Variants in NUP160 observed in about 807,000 individuals in gnomAD.
The protein encoded by NUP160 is nucleoporin 160.
NUP160 carries 94 observed loss-of-function variants against 196.9 expected under a neutral mutation model. The observed-to-expected ratio is 0.48, with a 90% CI of 0.40 to 0.57. NUP160 has a LOEUF of 0.57. Ranked by LOEUF, NUP160 falls within the 20% of genes least tolerant of loss-of-function variation. The pLI, the probability that NUP160 is intolerant of heterozygous loss-of-function variation, is 0.00. For synonymous variants in NUP160, 605 were observed against 619.7 expected, an observed-to-expected ratio of 0.98 and a Z score of 0.35; for missense variants, 1,638 against 1,748.3, an observed-to-expected ratio of 0.94 and a Z score of 1.13.
At chr11:47,804,284 TTTCTTTAAAAGCC>T in intron 21 of NUP160, 1 of 342,196 alleles carries the variant, frequency 2.9e-6, no homozygotes, top group Non-Finnish European at 5.2e-6. Context: ...ATTTTATTAC[TTTCTTTAAAAGCC>T]TTTAGAACCA....
At chr11:47,797,949 G>A (rs374487404) in intron 26 of NUP160, 29 bp downstream of exon 26, 1 of 1,545,312 alleles carries the variant, frequency 6.5e-7, no homozygotes, top group African/African-American at 1.4e-5. Context: ...CATACTTGTT[G>A]AAAGCCATCA....
At chr11:47,780,028 C>A (rs2097659758) in intron 35 of NUP160, among the ~76,000 whole-genome samples, 2 of 152,200 alleles carry the variant, frequency 1.3e-5, no homozygotes, top group African/African-American at 4.8e-5. Flanking sequence ...CTGCGCCCGG[C>A]CTATCATTGC....
At chr11:47,841,574 C>T (rs150666310) in intron 2 of NUP160, 4 of 425,766 alleles carry the variant, frequency 9.4e-6, no homozygotes, top group East Asian at 6.3e-5. Context: ...GATGGATCTA[C>T]GAGTTTGCCA....
At chr11:47,843,503 T>C (rs1852345133) in intron 2 of NUP160, among the ~76,000 whole-genome samples, 1 of 152,226 alleles carries the variant, frequency 6.6e-6, no homozygotes, top group African/African-American at 2.4e-5. Flanking sequence ...TTCTAAATGT[T>C]GGTGTGCCCC....
chr11:47,837,460 A>C (rs1852198396), intron 5 of NUP160, 85 bp downstream of exon 5: 1 of 1,026,134 alleles, frequency 9.7e-7, no homozygotes, highest in East Asian at 2.4e-5. Context: ...TTTGCCTTGG[A>C]ATAAGACTGG....
At chr11:47,835,984 C>T (rs995548578) in intron 6 of NUP160, among the ~76,000 whole-genome samples, 175 bp from the exon 7 acceptor site, 8 of 152,158 alleles carry the variant, frequency 5.3e-5, no homozygotes, top group Non-Finnish European at 1.0e-4. Flanking sequence ...CAGTGGCTCA[C>T]GTCTGTAATC....
chr11:47,807,458 G>C (rs1479508430), intron 18 of NUP160, among the ~76,000 whole-genome samples: 1 of 152,094 alleles, frequency 6.6e-6, no homozygotes, highest in Non-Finnish European at 1.5e-5. Context: ...CTGAGGTCAG[G>C]AGTTCAAGAC....
chr11:47,821,656 G>T, intron 9 of NUP160, 68 bp downstream of exon 9: 1 of 1,175,506 alleles, frequency 8.5e-7, no homozygotes, highest in Non-Finnish European at 1.3e-6. Flanking sequence ...CACGGCGCCC[G>T]GCCTCTCGTC....
At chr11:47,837,044 A>C in intron 5 of NUP160, 43 bp from the exon 6 acceptor site, 1 of 1,080,992 alleles carries the variant, frequency 9.3e-7, no homozygotes, top group Non-Finnish European at 1.4e-6. Context: ...TGCTGCAAAG[A>C]ATCTGATCAT....
At chr11:47,831,842 C>CAAAAAAAAAAAAAAAAAAAAAAAAA (rs372159602) in intron 7 of NUP160, among the ~76,000 whole-genome samples, 1 of 66,666 alleles carries the variant, frequency 1.5e-5, no homozygotes, top group African/African-American at 7.1e-5. Flanking sequence ...GACTCTCTCT[C>CAAAAAAAAAAAAAAAAAAAAAAAAA]AAAAAAAAAA....
chr11:47,788,153 A>C, intron 31 of NUP160, 29 bp downstream of exon 31: 1 of 1,580,724 alleles, frequency 6.3e-7, no homozygotes, highest in Non-Finnish European at 8.6e-7. Context: ...GCATTAGAAA[A>C]GACTATAAAA....
chr11:47,786,466 T>C (rs919214226), exon 32 of NUP160: 2 of 1,612,238 alleles, frequency 1.2e-6, no homozygotes, highest in Non-Finnish European at 1.7e-6. Context: ...GACTCCTTAG[T>C]AGTGATGACA....
At chr11:47,817,792 G>C (rs1250122358) in intron 11 of NUP160, among the ~76,000 whole-genome samples, 1 of 152,158 alleles carries the variant, frequency 6.6e-6, no homozygotes, top group East Asian at 1.9e-4. Flanking sequence ...TCTTTTTACA[G>C]TACTGTAGGT....
intron 7 of NUP160, among the ~76,000 whole-genome samples, 179 bp downstream of exon 7, chr11:47,835,472 T>C (rs371972975): frequency 2.7e-5 from 4 of 149,912 alleles, no homozygotes; most frequent in African/African-American, 9.7e-5. Flanking sequence ...TCTACTTCCT[T>C]TCATACTGAC....
chr11:47,826,847 G>A (rs1228969977), intron 7 of NUP160, among the ~76,000 whole-genome samples: 1 of 152,152 alleles, frequency 6.6e-6, no homozygotes, highest in East Asian at 1.9e-4. Flanking sequence ...ACAGGTGTGA[G>A]CCACTGCACC....
At chr11:47,822,383 G>T (rs1342600025) in intron 7 of NUP160, among the ~76,000 whole-genome samples, 1 of 151,506 alleles carries the variant, frequency 6.6e-6, no homozygotes. Flanking sequence ...TCAGCCTCCC[G>T]AGTAGCTGGG....
At chr11:47,820,713 G>A (rs376615093) in intron 9 of NUP160, among the ~76,000 whole-genome samples, 105 of 152,026 alleles carry the variant, frequency 6.9e-4, no homozygotes, top group African/African-American at 2.3e-3. Context: ...CACCACGCCC[G>A]GCTAATTTTT....
intron 2 of NUP160, chr11:47,841,724 C>T (rs1852302064): frequency 4.0e-6 from 1 of 248,694 alleles, no homozygotes; most frequent in Non-Finnish European, 8.0e-6. Context: ...CAGGGTCTCA[C>T]TCTGTCAGGC....
chr11:47,799,513 A>C (rs2097672920), intron 23 of NUP160, among the ~76,000 whole-genome samples: 1 of 152,182 alleles, frequency 6.6e-6, no homozygotes, highest in Non-Finnish European at 1.5e-5. Context: ...ACGCATTTAT[A>C]AAGGATGAAG....
Sources: allele counts gnomAD v4.1 joint callset (sites outside exome capture counted in the v4.1 genomes callset), GRCh38; gene constraint gnomAD v4.1.1; transcripts MANE v1.5; gene names NCBI Gene and HGNC (gene_info 2026-07-23, HGNC 2026-07-21).